The following AKR1C4 variants were observed in gnomAD, a reference collection of about 807,000 sequenced individuals.
The protein encoded by AKR1C4 is aldo-keto reductase family 1 member C4, also known as 3-alpha-HSD1.
In AKR1C4, 44 loss-of-function variants were observed where a neutral mutation model predicts 41.0. That is an observed-to-expected ratio of 1.07 (90% CI 0.84 to 1.38). The LOEUF (loss-of-function observed/expected upper bound fraction) is 1.38, where lower values mean the gene tolerates loss of function less well. Among genes scored for constraint, AKR1C4 ranks in the 40% most tolerant of loss-of-function variants. The pLI is 0.00. For synonymous variants in AKR1C4, 165 were observed against 137.7 expected, an observed-to-expected ratio of 1.20 and a Z score of -1.39; for missense variants, 438 against 387.9, an observed-to-expected ratio of 1.13 and a Z score of -1.09.
At chr10:5,216,653 C>T in intron 7 of AKR1C4, 58 bp from the exon 8 acceptor site, 1 of 1,297,440 alleles carries the variant, frequency 7.7e-7, no homozygotes, top group Non-Finnish European at 1.1e-6. Context: ...ATATACTTGG[C>T]TATTCCAAGT....
At chr10:5,197,455 T>C (rs1345618384) in intron 1 of AKR1C4, among the ~76,000 whole-genome samples, 1 of 152,208 alleles carries the variant, frequency 6.6e-6, no homozygotes, top group Non-Finnish European at 1.5e-5. Flanking sequence ...GTAATACTGG[T>C]CCTGGACTTA....
At chr10:5,211,045 T>C (rs1373305022) in intron 5 of AKR1C4, among the ~76,000 whole-genome samples, 1 of 152,212 alleles carries the variant, frequency 6.6e-6, no homozygotes, top group Admixed American at 6.5e-5. Flanking sequence ...CAGGAGTGAT[T>C]GAGATGCAGG....
Position 5,200,310 on chromosome 10 carries a change from G to A in AKR1C4, c.214G>A (p.Gly72Ser), listed in dbSNP as rs1564400048. ...GLAIRSKIAD[G>S]SVKREDIFYT... ...GGCCATCCGAAGCAAGATTGCAGATGGCAGTGTGAAGAGAGAAGACATATT... is the reference window on the plus strand; with the variant it reads ...GGCCATCCGAAGCAAGATTGCAGATAGCAGTGTGAAGAGAGAAGACATATT... Residue 72 changes from glycine (G) to serine (S), a missense_variant, in exon 2 of 9, where the codon GGC becomes AGC. Transcript: ENST00000263126. The A allele has an allele frequency of 1.9e-6, 3 of 1,614,158 alleles. No individual in the cohort carries two copies. The highest frequency in any genetic ancestry group is 1.1e-5 in the South Asian group (1 of 91,078).
intron 3 of AKR1C4, among the ~76,000 whole-genome samples, chr10:5,205,471 CA>C (rs1161928481): frequency 6.7e-4 from 102 of 151,936 alleles, no homozygotes; most frequent in African/African-American, 2.2e-3. Context: ...GCATTTCCCC[CA>C]AAAAAATTAT....
At chr10:5,207,080 C>G (rs1334291621) in intron 5 of AKR1C4, 1 of 155,196 alleles carries the variant, frequency 6.4e-6, no homozygotes, top group Non-Finnish European at 1.4e-5. Flanking sequence ...AAACGGGAGT[C>G]TTATAGCTGG....
chr10:5,213,174 G>T lies in AKR1C4; in HGVS notation c.846+15G>T, dbSNP rs1832604919. ...AGAACATCCAGGTGAGGAGTTGGGT[G>T]GGCATCAGGGCTCCTGCACAGTGTC... On this transcript the variant is annotated intron_variant, in intron 7 of 8. Coordinates refer to ENST00000263126, the MANE Select transcript of AKR1C4 (RefSeq NM_001818.5). 6.2e-6 allele frequency: 10 copies of T among 1,612,208 alleles called. No homozygotes were observed. Among genetic ancestry groups the T allele is most frequent in the Non-Finnish European group, 7.6e-6 (9 of 1,179,748 alleles).
In AKR1C4 at chr10:5,200,166, T is replaced by G; in HGVS notation, c.85-15T>G. 1 of 1,605,438 alleles carries G rather than the reference T, an allele frequency of 6.2e-7. No homozygotes were observed. The highest frequency in any genetic ancestry group is 8.5e-7 in the Non-Finnish European group (1 of 1,176,066). On this transcript the variant is annotated splice_polypyrimidine_tract_variant and intron_variant, in intron 1 of 8. Coordinates refer to ENST00000263126, the MANE Select transcript of AKR1C4 (RefSeq NM_001818.5). ...CACATTGATCACCAAATACTACCTT[T>G]CGTTGCTCCTTCAGGTTCCGAGGAA...
intron 5 of AKR1C4, among the ~76,000 whole-genome samples, chr10:5,209,766 G>A (rs781798726): frequency 2.0e-5 from 3 of 152,168 alleles, no homozygotes; most frequent in Non-Finnish European, 4.4e-5. Context: ...CTGCCCCCAT[G>A]ATTTAATTAT....
At chr10:5,216,259 G>T (rs1832655579) in intron 7 of AKR1C4, among the ~76,000 whole-genome samples, 1 of 152,076 alleles carries the variant, frequency 6.6e-6, no homozygotes, top group Admixed American at 6.5e-5. Context: ...CATTCATGAG[G>T]GATGCCCCCA....
At chr10:5,216,646 T>C (rs1283307258) in intron 7 of AKR1C4, 65 bp from the exon 8 acceptor site, 2 of 1,197,796 alleles carry the variant, frequency 1.7e-6, no homozygotes, top group East Asian at 2.4e-5. Flanking sequence ...CTGTGTGATA[T>C]ACTTGGCTAT....
intron 5 of AKR1C4, among the ~76,000 whole-genome samples, chr10:5,208,237 C>T (rs1026181852): frequency 6.6e-5 from 10 of 151,438 alleles, no homozygotes; most frequent in South Asian, 2.1e-4. Flanking sequence ...ATTTATTCTG[C>T]GTATGGTTCT....
At chr10:5,208,145 C>T (rs1052660817) in intron 5 of AKR1C4, among the ~76,000 whole-genome samples, 2 of 151,550 alleles carry the variant, frequency 1.3e-5, no homozygotes, top group African/African-American at 4.9e-5. Flanking sequence ...TTTAGCAGAA[C>T]ATTGAGCTGA....
chr10:5,218,598 G>T, intron 8 of AKR1C4, 120 bp from the exon 9 acceptor site: 4 of 660,610 alleles, frequency 6.1e-6, no homozygotes, highest in Admixed American at 2.7e-5. Flanking sequence ...TCTACAAATA[G>T]TCCGAAAATA....
intron 8 of AKR1C4, among the ~76,000 whole-genome samples, chr10:5,217,438 A>C (rs1232139029): frequency 6.6e-6 from 1 of 152,208 alleles, no homozygotes; most frequent in Non-Finnish European, 1.5e-5. Context: ...TGCAGAGTAT[A>C]AAGAAGCTTT....
At chr10:5,200,507 AATG>A (rs1832383897) in intron 2 of AKR1C4, among the ~76,000 whole-genome samples, 159 bp downstream of exon 2, 1 of 152,220 alleles carries the variant, frequency 6.6e-6, no homozygotes, top group Non-Finnish European at 1.5e-5. Flanking sequence ...AAAGGCAGAG[AATG>A]ATGATGCCTT....
At chr10:5,212,768 TG>T in intron 6 of AKR1C4, 43 bp downstream of exon 6, 1 of 1,589,498 alleles carries the variant, frequency 6.3e-7, no homozygotes, top group African/African-American at 1.3e-5. Flanking sequence ...GCCATTTTGA[TG>T]AAAAATTTTA....
rs782032237 is a variant in AKR1C4, at chr10:5,213,160, G to T, written c.846+1G>T. 2 of 1,613,112 alleles carry T rather than the reference G, an allele frequency of 1.2e-6. No individual in the cohort carries two copies. The highest frequency in any genetic ancestry group is 1.7e-5 in the Admixed American group (1 of 60,014). ...GCAGCGGATCAGAGAGAACATCCAG[G>T]TGAGGAGTTGGGTGGGCATCAGGGC... On this transcript the variant is annotated splice_donor_variant, in intron 7 of 8. Transcript: ENST00000263126. LOFTEE classifies it high-confidence loss of function.
intron 5 of AKR1C4, among the ~76,000 whole-genome samples, chr10:5,210,185 G>C (rs937565860): frequency 1.3e-5 from 2 of 152,158 alleles, no homozygotes; most frequent in Non-Finnish European, 2.9e-5. Context: ...GCTTCAAAAT[G>C]ATCTCCTTTG....
rs537065276 is a variant in AKR1C4, at chr10:5,208,913, A to AC, written c.570+2516_570+2517insC. 2.1e-3 allele frequency among the ~76,000 whole-genome samples: 310 copies of AC among 150,770 alleles called. 19 individuals are homozygous for AC. The highest frequency in any genetic ancestry group is 7.1e-3 in the African/African-American group (287 of 40,298). ...ATGTATCATGAAAACAAAAACAAAAAAAAAACATCCAATTGTGACTTTCAG... is the reference window on the plus strand; with the variant it reads ...ATGTATCATGAAAACAAAAACAAAAACAAAAACATCCAATTGTGACTTTCAG... On this transcript the variant is annotated intron_variant, in intron 5 of 8. Transcript: ENST00000263126.
Sources: allele counts gnomAD v4.1 joint callset (sites outside exome capture counted in the v4.1 genomes callset), GRCh38; gene constraint gnomAD v4.1.1; transcripts MANE v1.5; gene names NCBI Gene and HGNC (gene_info 2026-07-23, HGNC 2026-07-21).